The following PLEKHG3 variants were observed in gnomAD, a reference collection of about 807,000 sequenced individuals.
PLEKHG3 encodes pleckstrin homology and RhoGEF domain containing G3, also known as pleckstrin homology domain-containing family G member 3.
In PLEKHG3, 62 loss-of-function variants were observed where a neutral mutation model predicts 94.9. The observed-to-expected ratio is 0.65, with a 90% CI of 0.53 to 0.81. The LOEUF (loss-of-function observed/expected upper bound fraction) is 0.81, where lower values mean the gene tolerates loss of function less well. Among genes scored for constraint, PLEKHG3 ranks in the 30% least tolerant of loss-of-function variants. The probability of loss-of-function intolerance (pLI) is 0.00; values close to 1 mark genes in which losing one functional copy is unlikely to be tolerated. For synonymous variants in PLEKHG3, 614 were observed against 654.0 expected (o/e 0.94, Z 0.93); for missense variants, 1,461 against 1,619.3 (o/e 0.90, Z 1.68).
chr14:64,737,414 A>C, intron 14 of PLEKHG3, 39 bp downstream of exon 14: 1 of 1,496,620 alleles, frequency 6.7e-7, no homozygotes, highest in East Asian at 2.3e-5. Flanking sequence ...CTGACAGAGG[A>C]GGGTGGGACT....
At chr14:64,709,153 A>G (rs1296433081) in intron 1 of PLEKHG3, among the ~76,000 whole-genome samples, 1 of 152,202 alleles carries the variant, frequency 6.6e-6, no homozygotes, top group East Asian at 1.9e-4. Flanking sequence ...TGCTGGACTC[A>G]TCTTTGTGCC....
At position 64,742,468 on chromosome 14, in the gene PLEKHG3, C is replaced by T. The variant is rs751060643; in HGVS notation, c.2938+13C>T. 3.8e-5 allele frequency: 60 copies of T among 1,571,418 alleles called. No homozygotes were observed. Among genetic ancestry groups the T allele is most frequent in the Admixed American group, 1.2e-4 (7 of 56,804 alleles). ...TTAGGTGGCAAAGGTATGACAGAAG[C>T]GGCAAGTGGGCCCTTCCCCAAGTCT... On this transcript the variant is annotated intron_variant, in intron 16 of 16. Transcript: ENST00000247226.
Position 64,743,608 on chromosome 14 carries a change from A to G in PLEKHG3, c.3565A>G (p.Lys1189Glu). 6.2e-7 allele frequency: 1 copy of G among 1,612,814 alleles called. No homozygotes were observed. Among genetic ancestry groups the G allele is most frequent in the Non-Finnish European group, 8.5e-7 (1 of 1,179,946 alleles). The change falls in exon 17 of 17, where the codon AAG becomes GAG. Residue 1189 changes from lysine to glutamate, a missense_variant. Physicochemically the swap from Lys to Glu is moderately conservative, Grantham distance 56. Transcript: ENST00000247226. This position sits in a 1 kb window ranked among gnomAD's most constrained non-coding sequence, Gnocchi z 7.2. ...DFQQSAECQP[K>E]EEGSRDPADP... ...CCAGCAGTCTGCAGAGTGCCAGCCG[A>G]AGGAAGAGGGTTCCAGGGACCCGGC...
chr14:64,716,037 G>A lies in PLEKHG3; in HGVS notation c.-40+11333G>A. 2.2e-6 allele frequency: 1 copy of A among 456,312 alleles called. No individual in the cohort carries two copies. Among genetic ancestry groups the A allele is most frequent in the Non-Finnish European group, 4.4e-6 (1 of 226,782 alleles). 28.3% of individuals were successfully genotyped at this position (456,312 alleles called of 1,614,324 possible). A position where few individuals can be genotyped will look rare whatever the true frequency, so the allele number is the denominator to read the frequency against. ...TGCCGGTGCTGGGGACAATGCGGCT[G>A]CCCGGCCCCTCGCCACCCTCGTGGT... On this transcript the variant is annotated intron_variant, in intron 1 of 16. Transcript: ENST00000247226. The surrounding 1 kb of genome is among the most constrained non-coding windows in gnomAD (Gnocchi z 5.0).
At chr14:64,737,001 A>G in intron 13 of PLEKHG3, 110 bp downstream of exon 13, 2 of 853,202 alleles carry the variant, frequency 2.3e-6, no homozygotes, top group Non-Finnish European at 4.0e-6. Context: ...TTGTCAGAAT[A>G]GTGTAGAGGG....
chr14:64,707,666 G>C (rs974643772), intron 1 of PLEKHG3, among the ~76,000 whole-genome samples: 2 of 152,242 alleles, frequency 1.3e-5, no homozygotes, highest in Non-Finnish European at 1.5e-5. Flanking sequence ...GCTTCCAGGA[G>C]GAAGGTACTT....
intron 16 of PLEKHG3, 31 bp downstream of exon 16, chr14:64,742,486 C>T (rs2081724459): frequency 1.3e-6 from 2 of 1,511,910 alleles, no homozygotes; most frequent in Non-Finnish European, 9.0e-7. Context: ...GGGCCCTTCC[C>T]CAAGTCTAGG....
chr14:64,714,778 T>A (rs2081112205), intron 1 of PLEKHG3, among the ~76,000 whole-genome samples: 1 of 152,210 alleles, frequency 6.6e-6, no homozygotes, highest in South Asian at 2.1e-4. Flanking sequence ...CCACTGGGGA[T>A]GCCTTTTTCT....
At chr14:64,719,878 AC>A in intron 1 of PLEKHG3, among the ~76,000 whole-genome samples, 1 of 152,214 alleles carries the variant, frequency 6.6e-6, no homozygotes, top group Admixed American at 6.5e-5. Context: ...GGTCCTGTGA[AC>A]CTTTTTGACC....
intron 15 of PLEKHG3, among the ~76,000 whole-genome samples, chr14:64,740,139 T>C (rs1481562512): frequency 6.6e-6 from 1 of 152,224 alleles, no homozygotes; most frequent in Non-Finnish European, 1.5e-5. Flanking sequence ...AGAGCAGGTT[T>C]CCATCTGGCC....
At chr14:64,735,781 C>T (rs947633225) in intron 12 of PLEKHG3, among the ~76,000 whole-genome samples, 3 of 152,208 alleles carry the variant, frequency 2.0e-5, no homozygotes, top group African/African-American at 7.2e-5. Context: ...GTTTTTTCTG[C>T]TTCTGCTTCC....
At position 64,734,712 on chromosome 14, in the gene PLEKHG3, CCCTT is replaced by C. The variant is rs559062454; in HGVS notation, c.1345+1825_1345+1828del. 8.4e-3 allele frequency among the ~76,000 whole-genome samples: 1,191 copies of C among 141,472 alleles called. 20 individuals carry two copies. The highest frequency in any genetic ancestry group is 0.029 in the African/African-American group (1,127 of 38,366). The allele number at this position is 141,472 out of a possible 152,430, so 92.8% of individuals were successfully genotyped here. A position where few individuals can be genotyped will look rare whatever the true frequency, so the allele number is the denominator to read the frequency against. ...TATGAAATTCCCTCCCTCCCTCCCTCCCTTCCTTCCTTCCTTCTTTCCTTCCTTC... is the reference window on the plus strand; with the variant it reads ...TATGAAATTCCCTCCCTCCCTCCCTCCCTTCCTTCCTTCTTTCCTTCCTTC... On this transcript the variant is annotated intron_variant, in intron 12 of 16. Coordinates refer to ENST00000247226, the MANE Select transcript of PLEKHG3 (RefSeq NM_001308147.2).
rs1297758290 is a variant in PLEKHG3, at chr14:64,730,757, A to T, written c.567-42A>T. On this transcript the variant is annotated intron_variant, in intron 5 of 16. Coordinates refer to ENST00000247226, the MANE Select transcript of PLEKHG3 (RefSeq NM_001308147.2). The surrounding 1 kb of genome is among the most constrained non-coding windows in gnomAD (Gnocchi z 5.4). ...TCCAGAGCCCCCCACTTCCTCATCCAGGCCTTCCCCAGGTGGTGACTGGCC... is the reference window on the plus strand; with the variant it reads ...TCCAGAGCCCCCCACTTCCTCATCCTGGCCTTCCCCAGGTGGTGACTGGCC... The T allele has an allele frequency of 6.2e-7, 1 of 1,612,642 alleles. No homozygotes were observed. Among genetic ancestry groups the T allele is most frequent in the East Asian group, 2.2e-5 (1 of 44,832 alleles).
At chr14:64,736,464 AG>A (rs1180939424) in intron 12 of PLEKHG3, among the ~76,000 whole-genome samples, 6 of 152,196 alleles carry the variant, frequency 3.9e-5, no homozygotes, top group African/African-American at 1.4e-4. Context: ...CAGGGAGGCA[AG>A]GGGCTTGAGG....
chr14:64,708,666 G>A (rs960372492), intron 1 of PLEKHG3, among the ~76,000 whole-genome samples: 2 of 152,126 alleles, frequency 1.3e-5, no homozygotes, highest in Admixed American at 6.5e-5. Flanking sequence ...CTGGAACCAC[G>A]GGCCTACAAA....
At chr14:64,737,783 T>TA in intron 14 of PLEKHG3, 1 of 713,012 alleles carries the variant, frequency 1.4e-6, no homozygotes, top group South Asian at 2.1e-5. Flanking sequence ...GTGTGAAGGC[T>TA]CCCCCCCCGC....
chr14:64,736,762 G>A (rs2081578646), intron 12 of PLEKHG3, 91 bp from the exon 13 acceptor site: 1 of 931,474 alleles, frequency 1.1e-6, no homozygotes, highest in Non-Finnish European at 1.8e-6. Context: ...CTTTGAGCTG[G>A]TGATGGGCTG....
Position 64,721,363 on chromosome 14 carries a change from C to T in PLEKHG3, c.-39-6230C>T, listed in dbSNP as rs1226534191. ...CTTTCCTTTCCTTCCAAGGTCAGGC[C>T]GAGGGAACTTTCTGGACTTCAGTTG... On this transcript the variant is annotated intron_variant, in intron 1 of 16. Transcript: ENST00000247226. The surrounding 1 kb of genome is among the most constrained non-coding windows in gnomAD (Gnocchi z 4.3). Among the ~76,000 whole-genome samples, 2 of 152,042 alleles carry T rather than the reference C, an allele frequency of 1.3e-5. No homozygotes were observed. The highest frequency in any genetic ancestry group is 6.5e-5 in the Admixed American group (1 of 15,274).
Position 64,731,262 on chromosome 14 carries a change from G to C in PLEKHG3, c.849+93G>C. On this transcript the variant is annotated intron_variant, in intron 7 of 16. Transcript: ENST00000247226. This position sits in a 1 kb window ranked among gnomAD's most constrained non-coding sequence, Gnocchi z 6.1. The stretch of plus-strand genomic sequence containing the variant: ...GACTGTGGCCACCCTGCTGGGATGA[G>C]CTGGGCAGTGGCATTGGGGGAGCCT... 1.4e-6 allele frequency: 2 copies of C among 1,457,040 alleles called. No individual in the cohort carries two copies. The highest frequency in any genetic ancestry group is 1.9e-6 in the Non-Finnish European group (2 of 1,049,266). The allele number at this position is 1,457,040 out of a possible 1,614,324, so 90.3% of individuals were successfully genotyped here.
Sources: gnomAD v4.1 joint callset for allele counts (sites outside exome capture counted in the v4.1 genomes callset) on GRCh38, gnomAD v4.1.1 for gene constraint, Gnocchi (gnomAD v3.1) non-coding constraint, MANE v1.5 for transcripts, NCBI Gene and HGNC (gene_info 2026-07-23, HGNC 2026-07-21) for gene names.